ADCY10: variants seen among roughly 807,000 people sequenced by gnomAD.
The protein encoded by ADCY10 is adenylate cyclase type 10.
A neutral mutation model predicts 183.3 loss-of-function variants in ADCY10; 156 were observed. That is an observed-to-expected ratio of 0.85 (90% CI 0.75 to 0.97). The LOEUF (loss-of-function observed/expected upper bound fraction) is 0.97, where lower values mean the gene tolerates loss of function less well. Ranked by LOEUF, ADCY10 falls within the 50% of genes least tolerant of loss-of-function variation. The pLI, the probability that ADCY10 is intolerant of heterozygous loss-of-function variation, is 0.00. For missense variants in ADCY10, 1,745 were observed against 1,934.3 expected (o/e 0.90, Z 1.84); for synonymous variants, 645 against 670.0 (o/e 0.96, Z 0.58).
At chr1:167,906,570 T>G (rs1038911667) in intron 1 of ADCY10, among the ~76,000 whole-genome samples, 15 of 151,394 alleles carry the variant, frequency 9.9e-5, no homozygotes, top group African/African-American at 3.4e-4. Flanking sequence ...GGAGTATTGC[T>G]TGAGCCCGAG....
intron 2 of ADCY10, chr1:167,904,542 C>A (rs980773575): frequency 2.6e-5 from 9 of 343,560 alleles, no homozygotes; most frequent in Non-Finnish European, 4.8e-5. Flanking sequence ...GTGATAACTG[C>A]AACTTCTTTA....
intron 2 of ADCY10, 102 bp downstream of exon 2, chr1:167,904,891 G>A: frequency 6.7e-7 from 1 of 1,498,912 alleles, no homozygotes; most frequent in South Asian, 1.1e-5. Flanking sequence ...CAGCCCAAGG[G>A]CTCCAGAATG....
Position 167,842,247 on chromosome 1 carries a change from C to T in ADCY10, c.3007+3316G>A, listed in dbSNP as rs58726702. On this transcript the variant is annotated intron_variant, in intron 21 of 32. Coordinates refer to ENST00000367851, the MANE Select transcript of ADCY10 (RefSeq NM_018417.6). ...CTTGAACTCCTGGGCTCAAGAGATC[C>T]TCCCACCTCAACTTCCTGAGAAACT... Among the ~76,000 whole-genome samples the T allele has an allele frequency of 4.7e-3, 714 of 152,292 alleles. 3 individuals are homozygous for T. Among genetic ancestry groups the T allele is most frequent in the African/African-American group, 0.016 (653 of 41,558 alleles).
intron 25 of ADCY10, among the ~76,000 whole-genome samples, chr1:167,830,693 C>CA (rs896434986): frequency 3.6e-4 from 54 of 152,038 alleles, no homozygotes; most frequent in Non-Finnish European, 7.2e-4. Flanking sequence ...TGCGCCTGGC[C>CA]AAAAAATGAG....
intron 31 of ADCY10, among the ~76,000 whole-genome samples, chr1:167,816,785 G>T (rs565464485): frequency 1.0e-5 from 1 of 98,686 alleles, no homozygotes; most frequent in Admixed American, 1.2e-4. Context: ...GTTGCTAATA[G>T]CTCTGACTTG....
rs756467174 is a variant in ADCY10, at chr1:167,899,430, G to A, written c.635C>T (p.Ala212Val). The stretch of plus-strand genomic sequence containing the variant: ...TAGCAGCATCACACCCACCTTAACT[G>A]CTCTCTGATCTGGAACACTCTCAAT... ...IEIESVPDQRAVKVNFLKPPP... is the reference protein window; with the variant it reads ...IEIESVPDQRVVKVNFLKPPP... The change falls in exon 6 of 33, where the codon GCA becomes GTA. Residue 212 changes from alanine (A) to valine (V), a missense_variant. Ala to Val is a moderately conservative substitution (Grantham distance 64, BLOSUM62 0). Transcript: ENST00000367851. The A allele has an allele frequency of 1.2e-6, 2 of 1,614,156 alleles. No homozygotes were observed. The highest frequency in any genetic ancestry group is 1.7e-6 in the Non-Finnish European group (2 of 1,180,000).
chr1:167,846,363 T>A, intron 19 of ADCY10, 100 bp from the exon 20 acceptor site: 1 of 1,461,050 alleles, frequency 6.8e-7, no homozygotes, highest in Non-Finnish European at 9.6e-7. Flanking sequence ...TGCTCTACAG[T>A]TCTTGTTGCA....
intron 1 of ADCY10, among the ~76,000 whole-genome samples, chr1:167,909,760 A>T (rs1404205602): frequency 6.6e-6 from 1 of 152,284 alleles, no homozygotes; most frequent in South Asian, 2.1e-4. Flanking sequence ...CAGTTGCTAC[A>T]TATCTCAGCC....
intron 13 of ADCY10, among the ~76,000 whole-genome samples, chr1:167,873,629 C>T (rs1470791173): frequency 6.6e-6 from 1 of 152,138 alleles, no homozygotes; most frequent in Non-Finnish European, 1.5e-5. Context: ...TAGGTCTACT[C>T]CCCTGTCTAA....
chr1:167,837,877 A>G (rs1474219398), intron 21 of ADCY10, among the ~76,000 whole-genome samples: 2 of 152,252 alleles, frequency 1.3e-5, no homozygotes, highest in African/African-American at 4.8e-5. Context: ...ACTGAAGGGC[A>G]GAGAATCTTA....
intron 18 of ADCY10, among the ~76,000 whole-genome samples, chr1:167,849,940 G>A (rs1239780393): frequency 6.6e-6 from 1 of 152,182 alleles, no homozygotes; most frequent in Non-Finnish European, 1.5e-5. Context: ...GTGCTCAGGT[G>A]CTATGTGGGA....
chr1:167,878,510 T>C lies in ADCY10; in HGVS notation c.1342A>G (p.Lys448Glu), dbSNP rs375309483. ...PAYFFKELPK[K>E]VMKGVADSGP... is the part of the protein sequence containing the mutation. The stretch of plus-strand genomic sequence containing the variant: ...GAATCTGCAACACCTTTCATAACTT[T>C]CTTTGGAAGCTCTTTAAAAAAGTAC... Residue 448 changes from lysine to glutamate, a missense_variant, in exon 12 of 33, where the codon AAA (lysine) becomes GAA (glutamate). By Grantham distance (56) the Lys-to-Glu change is moderately conservative. Transcript: ENST00000367851. 1.9e-5 allele frequency: 31 copies of C among 1,614,024 alleles called. No homozygotes were observed. Among genetic ancestry groups the C allele is most frequent in the Non-Finnish European group, 2.6e-5 (31 of 1,180,040 alleles).
chr1:167,887,607 A>G (rs1668315453), intron 8 of ADCY10, among the ~76,000 whole-genome samples: 1 of 152,168 alleles, frequency 6.6e-6, no homozygotes, highest in African/African-American at 2.4e-5. Flanking sequence ...AGATGAGTTA[A>G]TGGGTGCAGC....
At chr1:167,857,763 GAAGTT>G (rs1666010438) in intron 16 of ADCY10, among the ~76,000 whole-genome samples, 1 of 152,190 alleles carries the variant, frequency 6.6e-6, no homozygotes, top group African/African-American at 2.4e-5. Flanking sequence ...TGGGCACAGA[GAAGTT>G]AAGTAACTTG....
intron 22 of ADCY10, among the ~76,000 whole-genome samples, 188 bp from the exon 23 acceptor site, chr1:167,836,728 A>G (rs1413313223): frequency 6.6e-6 from 1 of 152,020 alleles, no homozygotes; most frequent in African/African-American, 2.4e-5. Flanking sequence ...CATCTCTACT[A>G]AAAATATAAA....
intron 14 of ADCY10, among the ~76,000 whole-genome samples, chr1:167,869,653 C>T (rs867691939): frequency 6.6e-6 from 1 of 152,170 alleles, no homozygotes; most frequent in Admixed American, 6.5e-5. Context: ...TGAAATCTCT[C>T]GTTCTGTTCT....
intron 21 of ADCY10, 39 bp downstream of exon 21, chr1:167,845,524 C>G (rs1664941909): frequency 6.2e-7 from 1 of 1,606,952 alleles, no homozygotes; most frequent in Admixed American, 1.7e-5. Context: ...CTAGATTTCC[C>G]AAGAACAGTT....
chr1:167,856,547 T>G (rs1447529633), intron 16 of ADCY10, 108 bp from the exon 17 acceptor site: 1 of 1,094,156 alleles, frequency 9.1e-7, no homozygotes, highest in Non-Finnish European at 1.4e-6. Flanking sequence ...TTGCTTATGA[T>G]GCAGCGAAAG....
At chr1:167,899,760 A>G in intron 5 of ADCY10, 132 bp from the exon 6 acceptor site, 1 of 838,170 alleles carries the variant, frequency 1.2e-6, no homozygotes, top group Non-Finnish European at 2.0e-6. Context: ...CTAAAACTTT[A>G]CATAGGAATT....
Sources: gnomAD v4.1 joint callset for allele counts (sites outside exome capture counted in the v4.1 genomes callset) on GRCh38, gnomAD v4.1.1 for gene constraint, MANE v1.5 for transcripts, NCBI Gene and HGNC (gene_info 2026-07-23, HGNC 2026-07-21) for gene names.